The following ARHGAP21 variants were observed in gnomAD, a reference collection of about 807,000 sequenced individuals.
ARHGAP21 encodes Rho GTPase activating protein 21, also known as rho GTPase-activating protein 21.
ARHGAP21 carries 38 observed loss-of-function variants against 164.6 expected under a neutral mutation model. The observed-to-expected ratio is 0.23, with a 90% CI of 0.18 to 0.30. The LOEUF is 0.30. Ranked by LOEUF, ARHGAP21 falls within the 10% of genes least tolerant of loss-of-function variation. ARHGAP21 has a pLI of 1.00. For missense variants in ARHGAP21, 1,822 were observed against 2,370.7 expected (o/e 0.77, Z 4.81); for synonymous variants, 766 against 857.9 (o/e 0.89, Z 1.87).
intron 2 of ARHGAP21, among the ~76,000 whole-genome samples, chr10:24,682,120 A>C (rs1169637502): frequency 6.6e-6 from 1 of 152,218 alleles, no homozygotes; most frequent in Non-Finnish European, 1.5e-5. Context: ...CTACCTAAAA[A>C]AAAAAAACAT....
intron 9 of ARHGAP21, among the ~76,000 whole-genome samples, chr10:24,618,786 T>G (rs1834244832): frequency 6.6e-6 from 1 of 152,118 alleles, no homozygotes; most frequent in Non-Finnish European, 1.5e-5. Flanking sequence ...GGATTTTGCA[T>G]GCTATTTTGG....
At chr10:24,652,234 G>A (rs1838252723) in intron 4 of ARHGAP21, among the ~76,000 whole-genome samples, 1 of 152,192 alleles carries the variant, frequency 6.6e-6, no homozygotes. Context: ...TGGTATTACA[G>A]AGCTCTAGAG....
chr10:24,660,471 C>T lies in ARHGAP21; in HGVS notation c.268+6514G>A, dbSNP rs571157434. On this transcript the variant is annotated intron_variant, in intron 4 of 25. Coordinates refer to ENST00000396432, the MANE Select transcript of ARHGAP21 (RefSeq NM_020824.4). Reference sequence around the variant, plus strand: ...GACTTCAGAAAAGAGATCCATGTAACGCTGCTACATTTTGAAAGCAATTCT... The same window carrying T: ...GACTTCAGAAAAGAGATCCATGTAATGCTGCTACATTTTGAAAGCAATTCT... Among the ~76,000 whole-genome samples the T allele has an allele frequency of 7.5e-5, 11 of 147,046 alleles. No homozygotes were observed. The South Asian group carries it at 2.2e-3, about 30-fold the overall frequency.
intron 4 of ARHGAP21, among the ~76,000 whole-genome samples, chr10:24,639,411 T>G (rs892677518): frequency 6.6e-6 from 1 of 152,124 alleles, no homozygotes; most frequent in African/African-American, 2.4e-5. Flanking sequence ...AAAAAGATAA[T>G]CCAGTAAAGC....
At position 24,595,952 on chromosome 10, in the gene ARHGAP21, G is replaced by A. The variant is rs1490543037; in HGVS notation, c.3569C>T (p.Ala1190Val). 6.2e-7 allele frequency: 1 copy of A among 1,613,352 alleles called. No individual in the cohort carries two copies. The highest frequency in any genetic ancestry group is 1.7e-5 in the Admixed American group (1 of 59,994). The change falls in exon 18 of 26, where the codon GCA becomes GTA. Residue 1190 changes from alanine to valine, a missense_variant. Physicochemically the swap from Ala to Val is moderately conservative, Grantham distance 64. Around this residue, in one of 5 missense-constraint regions of ARHGAP21, gnomAD observed 117 missense variants for 238.1 expected, o/e 0.49. Coordinates refer to ENST00000396432, the MANE Select transcript of ARHGAP21 (RefSeq NM_020824.4). ...TTCTTCTTGCATACTTGAGATGGCT[G>A]CATTATTTCCAGGAACTCTATAAAT... ...TGIYRVPGNN[A>V]AISSMQEELN...
chr10:24,698,823 A>T lies in ARHGAP21; in HGVS notation c.63+23014T>A, dbSNP rs1158087421. On this transcript the variant is annotated intron_variant, in intron 2 of 25. Coordinates refer to ENST00000396432, the MANE Select transcript of ARHGAP21 (RefSeq NM_020824.4). ...GCAATTATGCATATTGTTAAATGAC[A>T]GTAATGATGCCACTTTTTAGAATTT... 4.6e-5 allele frequency among the ~76,000 whole-genome samples: 7 copies of T among 152,244 alleles called. No homozygotes were observed. The East Asian group carries it at 1.3e-3, about 29-fold the overall frequency.
At chr10:24,708,981 C>T (rs760694933) in intron 2 of ARHGAP21, among the ~76,000 whole-genome samples, 3 of 152,018 alleles carry the variant, frequency 2.0e-5, no homozygotes, top group Non-Finnish European at 4.4e-5. Context: ...TCCATTTTTA[C>T]TTCTTTAAGA....
At chr10:24,718,534 G>C (rs953077598) in intron 2 of ARHGAP21, among the ~76,000 whole-genome samples, 2 of 152,194 alleles carry the variant, frequency 1.3e-5, no homozygotes, top group African/African-American at 4.8e-5. Context: ...GGCAGATAGA[G>C]AGGGAGATAG....
intron 7 of ARHGAP21, among the ~76,000 whole-genome samples, chr10:24,628,109 C>G (rs570567802): frequency 1.3e-5 from 2 of 152,330 alleles, no homozygotes; most frequent in African/African-American, 4.8e-5. Context: ...CTATTTATTT[C>G]TAGTCTAGTT....
chr10:24,717,515 C>T (rs1845503695), intron 2 of ARHGAP21, among the ~76,000 whole-genome samples: 2 of 151,848 alleles, frequency 1.3e-5, no homozygotes, highest in South Asian at 2.1e-4. Flanking sequence ...CCTGAGGAAG[C>T]AGTATTGAAG....
intron 9 of ARHGAP21, among the ~76,000 whole-genome samples, chr10:24,619,257 T>G (rs957415115): frequency 8.7e-6 from 1 of 114,868 alleles, no homozygotes; most frequent in Admixed American, 8.7e-5. Context: ...TACATGAAGT[T>G]TTTGTTTTTT....
chr10:24,584,355 G>A lies in ARHGAP21; in HGVS notation c.*57C>T. The A allele has an allele frequency of 8.6e-6, 13 of 1,504,312 alleles. No individual in the cohort carries two copies. Among genetic ancestry groups the A allele is most frequent in the Non-Finnish European group, 1.2e-5 (13 of 1,122,218 alleles). The allele number at this position is 1,504,312 out of a possible 1,614,324, so 93.2% of individuals were successfully genotyped here. ...TCTGATACAAGAAAATATTGACAGA[G>A]TTACTGGAACGTGTAACAGTAGTTT... On this transcript the variant is annotated 3_prime_UTR_variant, in exon 26 of 26. Coordinates refer to ENST00000396432, the MANE Select transcript of ARHGAP21 (RefSeq NM_020824.4).
chr10:24,722,122 C>T lies in ARHGAP21; in HGVS notation c.-223G>A. On this transcript the variant is annotated 5_prime_UTR_variant, in exon 2 of 26. It removes an upstream start codon present in the reference 5' UTR. Coordinates refer to ENST00000396432, the MANE Select transcript of ARHGAP21 (RefSeq NM_020824.4). ...TTCAACTGACTTCGCCTTCTTCTTC[C>T]ATTTCTGGAGACTTAAAAACAAAGG... 1.7e-6 allele frequency: 1 copy of T among 584,526 alleles called. No homozygotes were observed. Among genetic ancestry groups the T allele is most frequent in the South Asian group, 2.0e-5 (1 of 50,156 alleles). 36.2% of individuals were successfully genotyped at this position (584,526 alleles called of 1,614,324 possible).
chr10:24,622,951 T>TGAA (rs1834727624), intron 7 of ARHGAP21, 189 bp from the exon 8 acceptor site: 1 of 528,604 alleles, frequency 1.9e-6, no homozygotes, highest in South Asian at 2.9e-5. Flanking sequence ...CATCTTTTTC[T>TGAA]CAGGCTTTTA....
chr10:24,715,872 G>C (rs866910332), intron 2 of ARHGAP21, among the ~76,000 whole-genome samples: 2 of 152,116 alleles, frequency 1.3e-5, no homozygotes, highest in Admixed American at 6.6e-5. Flanking sequence ...AACCAGGCAT[G>C]CTGGCACACG....
intron 4 of ARHGAP21, among the ~76,000 whole-genome samples, chr10:24,656,236 C>T (rs1367390149): frequency 7.5e-6 from 1 of 132,900 alleles, no homozygotes; most frequent in Non-Finnish European, 1.6e-5. Context: ...CCCCGCCCGG[C>T]CAGCCGCCCC....
At chr10:24,721,014 G>A (rs1565218286) in intron 2 of ARHGAP21, among the ~76,000 whole-genome samples, 1 of 151,044 alleles carries the variant, frequency 6.6e-6, no homozygotes, top group South Asian at 2.1e-4. Flanking sequence ...AAAGGTGAGA[G>A]GCAACAGAGT....
intron 25 of ARHGAP21, 135 bp downstream of exon 25, chr10:24,589,136 G>T: frequency 1.3e-6 from 1 of 788,616 alleles, no homozygotes; most frequent in Non-Finnish European, 2.1e-6. Context: ...ATTGTTTTAG[G>T]AATTAATTTT....
At chr10:24,676,213 A>C (rs922176898) in intron 2 of ARHGAP21, among the ~76,000 whole-genome samples, 1 of 152,228 alleles carries the variant, frequency 6.6e-6, no homozygotes. Flanking sequence ...GGAAAAAATA[A>C]CTATTAATCA....
Sources: gnomAD v4.1 joint callset for allele counts (sites outside exome capture counted in the v4.1 genomes callset) on GRCh38, gnomAD v4.1.1 for gene constraint, gnomAD v4.1.1 regional missense constraint, MANE v1.5 for transcripts, NCBI Gene and HGNC (gene_info 2026-07-23, HGNC 2026-07-21) for gene names.